The following SEMA6D variants were observed in gnomAD, a reference collection of about 807,000 sequenced individuals.
SEMA6D encodes semaphorin-6D.
Under a neutral mutation model 106.6 loss-of-function variants are expected in SEMA6D, and 35 were observed. That is an observed-to-expected ratio of 0.33 (90% CI 0.25 to 0.44). The LOEUF (loss-of-function observed/expected upper bound fraction) is 0.44, where lower values mean the gene tolerates loss of function less well. Ranked by LOEUF, SEMA6D falls within the 20% of genes least tolerant of loss-of-function variation. SEMA6D has a pLI of 1.00. For synonymous variants in SEMA6D, 499 were observed against 487.7 expected (o/e 1.02, Z -0.31); for missense variants, 1,185 against 1,345.9 (o/e 0.88, Z 1.87).
At chr15:47,639,558 G>C (rs142315641) in intron 4 of SEMA6D, among the ~76,000 whole-genome samples, 3 of 152,208 alleles carry the variant, frequency 2.0e-5, no homozygotes, top group Non-Finnish European at 4.4e-5. Context: ...TTCCTTCCAA[G>C]GACTGCAGTA....
At chr15:47,750,497 G>A (rs1278277033) in intron 1 of SEMA6D, among the ~76,000 whole-genome samples, 3 of 152,190 alleles carry the variant, frequency 2.0e-5, no homozygotes, top group East Asian at 1.9e-4. Context: ...TGCCAGTGTC[G>A]GTGGGAGAAG....
intron 1 of SEMA6D, among the ~76,000 whole-genome samples, chr15:47,232,154 G>A (rs1364768604): frequency 1.3e-5 from 2 of 151,962 alleles, no homozygotes; most frequent in African/African-American, 4.8e-5. Flanking sequence ...GTGTTTTGAA[G>A]GTTTTTCCAT....
At position 47,404,178 on chromosome 15, in the gene SEMA6D, C is replaced by T. The variant is rs1207853628; in HGVS notation, c.-238-8215C>T. Among the ~76,000 whole-genome samples, 8 of 151,998 alleles carry T rather than the reference C, an allele frequency of 5.3e-5. No homozygotes were observed. The East Asian group carries it at 1.2e-3, about 22-fold the overall frequency. On this transcript the variant is annotated intron_variant, in intron 1 of 19. Coordinates refer to the SEMA6D transcript ENST00000558014. ...AAATCACCTTAAATTATTCTGTTGT[C>T]GAGATCACCCTCTAATACCCTAGCA...
At chr15:47,297,774 G>A (rs2035862781) in intron 1 of SEMA6D, among the ~76,000 whole-genome samples, 1 of 152,150 alleles carries the variant, frequency 6.6e-6, no homozygotes, top group African/African-American at 2.4e-5. Context: ...TCCTTTGTGT[G>A]ATCAAGGGAG....
intron 1 of SEMA6D, among the ~76,000 whole-genome samples, chr15:47,225,015 G>T (rs1184420328): frequency 6.6e-6 from 1 of 151,798 alleles, no homozygotes; most frequent in African/African-American, 2.4e-5. Flanking sequence ...TTGCACCCTG[G>T]AGAGCCCCTG....
At chr15:47,227,488 T>TTC (rs1197032880) in intron 1 of SEMA6D, among the ~76,000 whole-genome samples, 11 of 148,084 alleles carry the variant, frequency 7.4e-5, no homozygotes, top group South Asian at 2.1e-4. Context: ...TTCTTTTTCT[T>TTC]TCTTTCTTTT....
chr15:47,287,016 T>C (rs2035395423), intron 1 of SEMA6D, among the ~76,000 whole-genome samples: 1 of 152,202 alleles, frequency 6.6e-6, no homozygotes, highest in Non-Finnish European at 1.5e-5. Context: ...CATGGAAGAA[T>C]GTAGCTCTCA....
chr15:47,538,859 G>A (rs1456711445), intron 3 of SEMA6D, among the ~76,000 whole-genome samples: 1 of 152,022 alleles, frequency 6.6e-6, no homozygotes, highest in African/African-American at 2.4e-5. Flanking sequence ...TATTTAAAGA[G>A]GATACAAAGA....
chr15:47,741,725 G>A (rs572155488), intron 1 of SEMA6D, among the ~76,000 whole-genome samples: 11 of 151,962 alleles, frequency 7.2e-5, no homozygotes, highest in Admixed American at 2.0e-4. Context: ...AAAAAAAAAA[G>A]TAAAAAGAAA....
intron 4 of SEMA6D, among the ~76,000 whole-genome samples, chr15:47,693,843 G>T (rs1307097784): frequency 6.6e-6 from 1 of 152,076 alleles, no homozygotes; most frequent in Non-Finnish European, 1.5e-5. Flanking sequence ...GGGAGGCTGA[G>T]TTAGGAGGAT....
intron 1 of SEMA6D, among the ~76,000 whole-genome samples, chr15:47,234,157 G>A (rs920456264): frequency 6.6e-6 from 1 of 151,902 alleles, no homozygotes; most frequent in Non-Finnish European, 1.5e-5. Context: ...ATATTTCTGG[G>A]ATCTCAGCAG....
intron 1 of SEMA6D, among the ~76,000 whole-genome samples, chr15:47,186,001 C>T (rs1051655214): frequency 6.6e-6 from 1 of 151,688 alleles, no homozygotes; most frequent in Non-Finnish European, 1.5e-5. Flanking sequence ...TATATATGTA[C>T]AAGTTTACAA....
chr15:47,196,044 C>A (rs1217176668), intron 1 of SEMA6D, among the ~76,000 whole-genome samples: 6 of 148,004 alleles, frequency 4.1e-5, no homozygotes, highest in African/African-American at 1.2e-4. Context: ...TTTTTGGAGA[C>A]GTGAGAACAG....
rs1299047142 is a variant in SEMA6D at position 47,377,088 on chromosome 15, CAG to C, written c.-238-35304_-238-35303del. Among the ~76,000 whole-genome samples the C allele has an allele frequency of 4.6e-5, 7 of 152,256 alleles. No homozygotes were observed. The South Asian group carries it at 1.0e-3, about 23-fold the overall frequency. On this transcript the variant is annotated intron_variant, in intron 1 of 19. Transcript: ENST00000558014. ...CTGAAGATATGCTGGATTTGTGTCT[CAG>C]GGCAGAATACAATTGTAAATAATTT... is the stretch of plus-strand genomic sequence containing the variant.
chr15:47,519,315 G>A (rs1258243624), intron 3 of SEMA6D, among the ~76,000 whole-genome samples: 2 of 152,096 alleles, frequency 1.3e-5, no homozygotes, highest in East Asian at 1.9e-4. Flanking sequence ...GTTGCAATAC[G>A]ACATTTTGAT....
chr15:47,249,274 CTGTGCTCTAGGACCTTATAGT>C (rs2033375112), intron 1 of SEMA6D, among the ~76,000 whole-genome samples: 1 of 152,002 alleles, frequency 6.6e-6, no homozygotes, highest in Admixed American at 6.6e-5. Flanking sequence ...AGTGGACTAG[CTGTGCTCTAGGACCTTATAGT>C]TGGCATGCAT....
chr15:47,638,180 G>A (rs2077425383), intron 4 of SEMA6D, among the ~76,000 whole-genome samples: 3 of 151,772 alleles, frequency 2.0e-5, no homozygotes, highest in Admixed American at 2.0e-4. Context: ...GTTTCTCTCT[G>A]GGACCTTCTT....
intron 1 of SEMA6D, among the ~76,000 whole-genome samples, chr15:47,222,101 G>T (rs1255958328): frequency 1.3e-5 from 2 of 152,070 alleles, no homozygotes; most frequent in African/African-American, 2.4e-5. Flanking sequence ...TTATAATTCT[G>T]CAAGGCCATG....
chr15:47,480,713 T>A (rs1447424779), intron 3 of SEMA6D, among the ~76,000 whole-genome samples: 1 of 152,186 alleles, frequency 6.6e-6, no homozygotes, highest in East Asian at 1.9e-4. Context: ...AGCTTGTGTT[T>A]ATTTATTCTT....
Sources: allele counts gnomAD v4.1 joint callset (sites outside exome capture counted in the v4.1 genomes callset), GRCh38; gene constraint gnomAD v4.1.1; transcripts MANE v1.5; gene names NCBI Gene and HGNC (gene_info 2026-07-23, HGNC 2026-07-21).